Variants in PRKG1 observed in about 807,000 individuals in gnomAD.
The protein encoded by PRKG1 is cGMP-dependent protein kinase 1.
A neutral mutation model predicts 88.1 loss-of-function variants in PRKG1; 35 were observed. That is an observed-to-expected ratio of 0.40 (90% confidence interval 0.30 to 0.53). The LOEUF is 0.53. Ranked by LOEUF, PRKG1 falls within the 20% of genes least tolerant of loss-of-function variation. The probability of loss-of-function intolerance (pLI) is 0.59; values close to 1 mark genes in which losing one functional copy is unlikely to be tolerated. For synonymous variants in PRKG1, 303 were observed against 292.5 expected (o/e 1.04, Z -0.37); for missense variants, 540 against 839.8 (o/e 0.64, Z 4.41).
At position 51,432,715 on chromosome 10, in the gene PRKG1, C is replaced by G. The variant is rs144358584; in HGVS notation, c.479-35008C>G. Among the ~76,000 whole-genome samples, 55 of 151,272 alleles carry G rather than the reference C, an allele frequency of 3.6e-4. No individual in the cohort carries two copies. In the East Asian group the frequency reaches 6.6e-3, roughly 18 times the overall value. On this transcript the variant is annotated intron_variant, in intron 2 of 17. Coordinates refer to ENST00000373980, the MANE Select transcript of PRKG1 (RefSeq NM_006258.4). ...GTTTTACGTCTATATTTCTAACACT[C>G]ATTTAAGACAATGAGGGTTGTACCC...
chr10:52,228,911 G>A (rs1335094636), intron 9 of PRKG1, among the ~76,000 whole-genome samples: 1 of 152,168 alleles, frequency 6.6e-6, no homozygotes, highest in Non-Finnish European at 1.5e-5. Flanking sequence ...GGCTTATCAT[G>A]TCAGTTCGTC....
intron 2 of PRKG1, among the ~76,000 whole-genome samples, chr10:51,293,780 T>TGAG (rs1232724260): frequency 1.3e-5 from 2 of 152,322 alleles, no homozygotes; most frequent in East Asian, 3.9e-4. Context: ...TTTACCTTTC[T>TGAG]GAGGAACTTC....
At chr10:52,109,762 C>CA (rs888962196) in intron 7 of PRKG1, among the ~76,000 whole-genome samples, 21 of 150,352 alleles carry the variant, frequency 1.4e-4, no homozygotes, top group South Asian at 6.3e-4. Flanking sequence ...GACTCCATCT[C>CA]AAAAAAAAAT....
At chr10:51,927,954 T>G (rs1308197804) in intron 5 of PRKG1, among the ~76,000 whole-genome samples, 1 of 152,248 alleles carries the variant, frequency 6.6e-6, no homozygotes, top group Non-Finnish European at 1.5e-5. Context: ...AATTATATCA[T>G]GTGCCTTAAG....
chr10:51,426,973 G>A (rs1354255535), intron 2 of PRKG1, among the ~76,000 whole-genome samples: 1 of 152,038 alleles, frequency 6.6e-6, no homozygotes, highest in Non-Finnish European at 1.5e-5. Context: ...TTAATCTCAA[G>A]GTTTGTCTGG....
chr10:51,620,719 C>T (rs1485484057), intron 3 of PRKG1, among the ~76,000 whole-genome samples: 1 of 151,950 alleles, frequency 6.6e-6, no homozygotes, highest in Non-Finnish European at 1.5e-5. Flanking sequence ...GTCAGGTAAT[C>T]CTCACGATGA....
chr10:51,671,356 C>T (rs535253621), intron 3 of PRKG1, among the ~76,000 whole-genome samples: 30 of 152,308 alleles, frequency 2.0e-4, no homozygotes, highest in Middle Eastern at 6.8e-3. Context: ...AATGTATTCT[C>T]ACAGTTCTGA....
Position 52,295,218 on chromosome 10 carries a change from T to C in PRKG1, c.*1318T>C, listed in dbSNP as rs1842354357. ...GATCTGGAACATTACTTATTTGAGG[T>C]CAGAGAACAAAACAAGAACCTGGCC... On this transcript the variant is annotated 3_prime_UTR_variant, in exon 18 of 18. Coordinates refer to ENST00000373980, the MANE Select transcript of PRKG1 (RefSeq NM_006258.4). 1 of 152,028 alleles carries C rather than the reference T, an allele frequency of 6.6e-6. No individual in the cohort carries two copies. The highest frequency in any genetic ancestry group is 1.5e-5 in the Non-Finnish European group (1 of 67,964). The allele number at this position is 152,028 out of a possible 1,614,324, so 9.4% of individuals were successfully genotyped here. A position where few individuals can be genotyped will look rare whatever the true frequency, so the allele number is the denominator to read the frequency against.
chr10:51,201,186 C>T (rs180898299), intron 2 of PRKG1, among the ~76,000 whole-genome samples: 9 of 152,234 alleles, frequency 5.9e-5, no homozygotes, highest in African/African-American at 2.2e-4. Flanking sequence ...TTAGGACAGG[C>T]ATGGTGGCTC....
intron 4 of PRKG1, among the ~76,000 whole-genome samples, chr10:51,820,748 C>T (rs6480472): frequency 0.079 from 12,074 of 152,192 alleles, 1,187 homozygotes; most frequent in African/African-American, 0.23. Flanking sequence ...ACTGTACGCA[C>T]TGGGTTTTCA....
At position 51,016,673 on chromosome 10, in the gene PRKG1, C is replaced by CTTT. The variant is rs71029341; in HGVS notation, c.266+25046_266+25048dup. On this transcript the variant is annotated intron_variant, in intron 1 of 17. Coordinates refer to the PRKG1 transcript ENST00000401604. Reference sequence around the variant, plus strand: ...AGTGAAGAAGGTATTATTATCCTTTCTTTTTTTTTTTTTTTTTTTGGAATC... The same window carrying CTTT: ...AGTGAAGAAGGTATTATTATCCTTTCTTTTTTTTTTTTTTTTTTTTTTGGAATC... Among the ~76,000 whole-genome samples the CTTT allele has an allele frequency of 1.8e-3, 64 of 35,196 alleles. 15 individuals are homozygous for CTTT. The highest frequency in any genetic ancestry group is 3.7e-3 in the Admixed American group (8 of 2,140). 23.1% of individuals were successfully genotyped at this position (35,196 alleles called of 152,430 possible). A position where few individuals can be genotyped will look rare whatever the true frequency, so the allele number is the denominator to read the frequency against.
At chr10:51,208,169 T>C (rs903943543) in intron 2 of PRKG1, among the ~76,000 whole-genome samples, 1 of 152,224 alleles carries the variant, frequency 6.6e-6, no homozygotes, top group Non-Finnish European at 1.5e-5. Flanking sequence ...ACAGTCTTTG[T>C]CCATTAAAAC....
intron 3 of PRKG1, among the ~76,000 whole-genome samples, chr10:51,789,898 T>G (rs930228947): frequency 6.6e-6 from 1 of 152,088 alleles, no homozygotes; most frequent in Non-Finnish European, 1.5e-5. Context: ...CTCGAGTCAC[T>G]GCAACCTCTG....
At chr10:51,748,307 G>A (rs1837632272) in intron 3 of PRKG1, among the ~76,000 whole-genome samples, 1 of 152,198 alleles carries the variant, frequency 6.6e-6, no homozygotes, top group African/African-American at 2.4e-5. Flanking sequence ...CTGGGCAACA[G>A]TATTTTTATA....
At chr10:51,656,949 T>G (rs921039668) in intron 3 of PRKG1, among the ~76,000 whole-genome samples, 1 of 152,152 alleles carries the variant, frequency 6.6e-6, no homozygotes, top group Non-Finnish European at 1.5e-5. Context: ...GACTTGGCAC[T>G]GTGTGGCCTT....
chr10:51,511,573 A>G (rs1211452963), intron 3 of PRKG1, among the ~76,000 whole-genome samples: 2 of 152,222 alleles, frequency 1.3e-5, no homozygotes, highest in Non-Finnish European at 1.5e-5. Context: ...ATGCTCAGTT[A>G]ACATATGAAA....
intron 5 of PRKG1, among the ~76,000 whole-genome samples, chr10:51,929,052 C>T (rs899192810): frequency 6.6e-6 from 1 of 152,122 alleles, no homozygotes. Flanking sequence ...AACAACCATA[C>T]TTTCAACATT....
At chr10:51,384,656 C>T (rs1837201505) in intron 2 of PRKG1, among the ~76,000 whole-genome samples, 1 of 152,080 alleles carries the variant, frequency 6.6e-6, no homozygotes. Context: ...TTCCCCTGGT[C>T]CTCTCCTCTC....
At position 51,878,661 on chromosome 10, in the gene PRKG1, C is replaced by T. The variant is rs1311241322; in HGVS notation, c.699-28846C>T. The stretch of plus-strand genomic sequence containing the variant: ...AACTACTCACCATCTAATTTTGTTA[C>T]TCCCCAGAGTCTCACCAGAAGGAGA... On this transcript the variant is annotated intron_variant, in intron 4 of 17. Coordinates refer to ENST00000373980, the MANE Select transcript of PRKG1 (RefSeq NM_006258.4). 2.0e-5 allele frequency among the ~76,000 whole-genome samples: 3 copies of T among 152,126 alleles called. No individual in the cohort carries two copies. In the East Asian group the frequency reaches 5.8e-4, roughly 29 times the overall value.
Sources: gnomAD v4.1 joint callset for allele counts (sites outside exome capture counted in the v4.1 genomes callset) on GRCh38, gnomAD v4.1.1 for gene constraint, MANE v1.5 for transcripts, NCBI Gene and HGNC (gene_info 2026-07-23, HGNC 2026-07-21) for gene names.